Variants in GPC5 observed in about 807,000 individuals in gnomAD.
GPC5 encodes the protein glypican 5, also known as glypican-5.
In GPC5, 47 loss-of-function variants were observed where a neutral mutation model predicts 53.9. The observed-to-expected ratio is 0.87, with a 90% CI of 0.69 to 1.11. The LOEUF is 1.11. Among genes scored for constraint, GPC5 ranks in the 50% most tolerant of loss-of-function variants. GPC5 has a pLI of 0.00. For synonymous variants in GPC5, 286 were observed against 263.3 expected, an observed-to-expected ratio of 1.09 and a Z score of -0.84; for missense variants, 748 against 713.1, an observed-to-expected ratio of 1.05 and a Z score of -0.56.
chr13:92,167,015 T>A (rs2042036700), intron 7 of GPC5, among the ~76,000 whole-genome samples: 3 of 148,684 alleles, frequency 2.0e-5, no homozygotes, highest in Non-Finnish European at 3.0e-5. Flanking sequence ...CGCCCTATCC[T>A]GAACAGTTAA....
chr13:91,889,101 A>G, intron 5 of GPC5, among the ~76,000 whole-genome samples: 1 of 152,144 alleles, frequency 6.6e-6, no homozygotes, highest in Non-Finnish European at 1.5e-5. Flanking sequence ...CACCTGATAC[A>G]TCTATTTGTT....
intron 7 of GPC5, among the ~76,000 whole-genome samples, chr13:92,857,584 C>G (rs1594554039): frequency 6.6e-6 from 1 of 151,998 alleles, no homozygotes; most frequent in South Asian, 2.1e-4. Context: ...CAAAGGTCTA[C>G]TATCCAGAGT....
Position 92,744,833 on chromosome 13 carries a change from T to C in GPC5, c.1562-121449T>C, listed in dbSNP as rs542149588. On this transcript the variant is annotated intron_variant, in intron 7 of 7. Transcript: ENST00000377067. ...TATAGTGTAAGTTTATATAGATATA[T>C]AGCTATACTAAAAGATGGCCAGATG... Among the ~76,000 whole-genome samples the C allele has an allele frequency of 4.2e-4, 64 of 152,124 alleles. 1 individual carries two copies. In the South Asian group the frequency reaches 0.013, roughly 31 times the overall value.
intron 2 of GPC5, among the ~76,000 whole-genome samples, chr13:91,652,114 A>AG (rs2034726457): frequency 6.6e-6 from 1 of 152,078 alleles, no homozygotes; most frequent in African/African-American, 2.4e-5. Context: ...CTCCTAGTGG[A>AG]TGCCTGAAAC....
chr13:92,290,568 A>AGG (rs1334872567), intron 7 of GPC5, among the ~76,000 whole-genome samples: 3 of 152,118 alleles, frequency 2.0e-5, no homozygotes, highest in Admixed American at 2.0e-4. Context: ...CCCACTTATG[A>AGG]GGGAGAACAT....
chr13:92,519,333 CA>C (rs1405045240), intron 7 of GPC5, among the ~76,000 whole-genome samples: 1 of 152,182 alleles, frequency 6.6e-6, no homozygotes, highest in Admixed American at 6.5e-5. Flanking sequence ...ACATTCTTCT[CA>C]ACACCACATC....
chr13:92,817,934 T>C (rs1022443187), intron 7 of GPC5, among the ~76,000 whole-genome samples: 11 of 152,016 alleles, frequency 7.2e-5, no homozygotes, highest in Non-Finnish European at 8.8e-5. Context: ...CAGGACATTT[T>C]GATTAGAAAC....
At chr13:91,558,687 C>T (rs909540392) in intron 2 of GPC5, among the ~76,000 whole-genome samples, 1 of 152,014 alleles carries the variant, frequency 6.6e-6, no homozygotes, top group African/African-American at 2.4e-5. Context: ...TGCTTGAGGA[C>T]AATTTTCTAG....
intron 2 of GPC5, among the ~76,000 whole-genome samples, chr13:91,654,527 T>C (rs948194107): frequency 2.6e-5 from 4 of 152,152 alleles, no homozygotes; most frequent in African/African-American, 9.7e-5. Flanking sequence ...TAATATGAAA[T>C]ATTAAAACAC....
Position 92,368,793 on chromosome 13 carries a change from G to T in GPC5, c.1561+223804G>T, listed in dbSNP as rs1035379647. Among the ~76,000 whole-genome samples, 20 of 152,212 alleles carry T rather than the reference G, an allele frequency of 1.3e-4. No individual in the cohort carries two copies. The East Asian group carries it at 3.7e-3, about 28-fold the overall frequency. ...CTGTAAAAGATTGTATTAACTTTAT[G>T]TTCCTTTGAAGGCCTGGTATATGAC... On this transcript the variant is annotated intron_variant, in intron 7 of 7. Transcript: ENST00000377067.
chr13:92,424,868 A>G (rs1459045515), intron 7 of GPC5, among the ~76,000 whole-genome samples: 1 of 152,022 alleles, frequency 6.6e-6, no homozygotes, highest in Non-Finnish European at 1.5e-5. Context: ...GAGTCCTACT[A>G]TATTCCAGAC....
At chr13:91,781,107 T>G (rs2037791382) in intron 5 of GPC5, among the ~76,000 whole-genome samples, 1 of 152,214 alleles carries the variant, frequency 6.6e-6, no homozygotes. Context: ...CAAGCTGAGG[T>G]GCTTGTGCAC....
intron 7 of GPC5, among the ~76,000 whole-genome samples, chr13:92,782,901 T>C (rs1876085063): frequency 6.6e-6 from 1 of 152,164 alleles, no homozygotes; most frequent in African/African-American, 2.4e-5. Context: ...ATAGCTATGG[T>C]TTCATTTCAT....
rs1566350968 is a variant in GPC5 at position 92,663,846 on chromosome 13, CACACACACACTATATATATATA to C, written c.1562-202435_1562-202414del. On this transcript the variant is annotated intron_variant, in intron 7 of 7. Coordinates refer to ENST00000377067, the MANE Select transcript of GPC5 (RefSeq NM_004466.6). ...TATATACACACACTATATATATATACACACACACACTATATATATATATATATATATATATATATATATATAT... is the reference window on the plus strand; with the variant it reads ...TATATACACACACTATATATATATACTATATATATATATATATATATATAT... 5.5e-3 allele frequency among the ~76,000 whole-genome samples: 631 copies of C among 115,696 alleles called. 19 individuals are homozygous for C. The highest frequency in any genetic ancestry group is 0.021 in the African/African-American group (602 of 28,916). The allele number at this position is 115,696 out of a possible 152,430, so 75.9% of individuals were successfully genotyped here.
chr13:91,549,893 C>T (rs975639684), intron 2 of GPC5, among the ~76,000 whole-genome samples: 4 of 152,262 alleles, frequency 2.6e-5, no homozygotes, highest in African/African-American at 9.6e-5. Context: ...ATCCAGCAGT[C>T]ATACTCCCTG....
intron 2 of GPC5, among the ~76,000 whole-genome samples, chr13:91,660,057 C>T (rs1272312791): frequency 6.6e-6 from 1 of 152,138 alleles, no homozygotes; most frequent in Admixed American, 6.5e-5. Flanking sequence ...CATGGGGAAA[C>T]TGTCAAAAGA....
At chr13:92,442,945 A>G (rs1031320163) in intron 7 of GPC5, among the ~76,000 whole-genome samples, 2 of 152,206 alleles carry the variant, frequency 1.3e-5, no homozygotes, top group African/African-American at 4.8e-5. Flanking sequence ...AGTAAAAAAT[A>G]GATATGCAAC....
Position 91,559,982 on chromosome 13 carries a change from A to G in GPC5, c.325+111060A>G, listed in dbSNP as rs1419661334. 3.3e-5 allele frequency among the ~76,000 whole-genome samples: 5 copies of G among 152,158 alleles called. No individual in the cohort carries two copies. In the South Asian group the frequency reaches 8.3e-4, roughly 25 times the overall value. On this transcript the variant is annotated intron_variant, in intron 2 of 7. Coordinates refer to ENST00000377067, the MANE Select transcript of GPC5 (RefSeq NM_004466.6). ...TAAGAATAGATCTGAAGGGTACTAG[A>G]CTAAAGAGGCCAGAATGTAACAATC...
chr13:91,578,610 T>A (rs1030388000), intron 2 of GPC5, among the ~76,000 whole-genome samples: 3 of 152,178 alleles, frequency 2.0e-5, no homozygotes, highest in Admixed American at 6.5e-5. Context: ...TTCATTTTTT[T>A]AAATTTTCAT....
Sources: gnomAD v4.1 joint callset for allele counts (sites outside exome capture counted in the v4.1 genomes callset) on GRCh38, gnomAD v4.1.1 for gene constraint, MANE v1.5 for transcripts, NCBI Gene and HGNC (gene_info 2026-07-23, HGNC 2026-07-21) for gene names.